The following NLK variants were observed in gnomAD, a reference collection of about 807,000 sequenced individuals.
NLK encodes the protein nemo like kinase.
Under a neutral mutation model 59.0 loss-of-function variants are expected in NLK, and 11 were observed. The ratio of observed to expected loss-of-function variants is 0.19; its 90% CI spans 0.12 to 0.31. NLK has a LOEUF of 0.31. Ranked by LOEUF, NLK falls within the 10% of genes least tolerant of loss-of-function variation. The pLI, the probability that NLK is intolerant of heterozygous loss-of-function variation, is 1.00. For missense variants in NLK, 410 were observed against 661.1 expected, an observed-to-expected ratio of 0.62 and a Z score of 4.16; for synonymous variants, 235 against 235.9, an observed-to-expected ratio of 1.00 and a Z score of 0.03.
chr17:28,178,879 G>A (rs1908786803), intron 7 of NLK, among the ~76,000 whole-genome samples: 1 of 152,276 alleles, frequency 6.6e-6, no homozygotes, highest in South Asian at 2.1e-4. Flanking sequence ...ACATGTAGTT[G>A]AATGAAAACT....
At chr17:28,150,241 T>C (rs1446833206) in intron 3 of NLK, among the ~76,000 whole-genome samples, 1 of 152,228 alleles carries the variant, frequency 6.6e-6, no homozygotes, top group Non-Finnish European at 1.5e-5. Context: ...AACATTAATA[T>C]CCTTTCTCCT....
chr17:28,161,429 G>A (rs890992267), intron 4 of NLK, among the ~76,000 whole-genome samples, 163 bp downstream of exon 4: 4 of 152,148 alleles, frequency 2.6e-5, no homozygotes, highest in African/African-American at 4.8e-5. Flanking sequence ...ATGTTAAAGA[G>A]GAAGCTTTTT....
the NLK span, among the ~76,000 whole-genome samples, chr17:28,203,058 A>T: frequency 2.0e-5 from 3 of 152,232 alleles, no homozygotes. Flanking sequence ...CAGCAGGAAG[A>T]CACAGAGAAA....
At chr17:28,190,153 T>C (rs1417014287) in intron 8 of NLK, among the ~76,000 whole-genome samples, 1 of 152,238 alleles carries the variant, frequency 6.6e-6, no homozygotes, top group Non-Finnish European at 1.5e-5. Context: ...GTTTTTGTTC[T>C]ACTGTGTACT....
intron 1 of NLK, among the ~76,000 whole-genome samples, chr17:28,106,570 A>AT (rs1436226474): frequency 6.6e-6 from 1 of 152,218 alleles, no homozygotes; most frequent in Non-Finnish European, 1.5e-5. Flanking sequence ...AATAAGATAA[A>AT]TTTTTAAGAG....
At chr17:28,171,336 T>G (rs539711091) in intron 6 of NLK, 19 of 152,276 alleles carry the variant, frequency 1.2e-4, no homozygotes, top group African/African-American at 3.8e-4. Flanking sequence ...AAAGAAGTGT[T>G]CTCTAGGTAA....
At chr17:28,200,446 C>T (rs1341858252), downstream of NLK, among the ~76,000 whole-genome samples, 3 of 152,094 alleles carry the variant, frequency 2.0e-5, no homozygotes, top group African/African-American at 7.2e-5. Context: ...AGCTGTACAC[C>T]AACGAAAGAG....
chr17:28,157,016 G>A (rs923476257), intron 3 of NLK, among the ~76,000 whole-genome samples: 1 of 151,842 alleles, frequency 6.6e-6, no homozygotes, highest in Admixed American at 6.6e-5. Flanking sequence ...GATAGTTGTG[G>A]GGGGTTTTGT....
chr17:28,059,604 C>G (rs1909559877), intron 1 of NLK, among the ~76,000 whole-genome samples: 1 of 152,136 alleles, frequency 6.6e-6, no homozygotes, highest in African/African-American at 2.4e-5. Context: ...CAATTCTAAG[C>G]TCTTTATTCT....
the NLK span, among the ~76,000 whole-genome samples, chr17:28,203,306 C>T: frequency 6.6e-6 from 1 of 151,956 alleles, no homozygotes; most frequent in Non-Finnish European, 1.5e-5. Flanking sequence ...GCCCCTGGCC[C>T]ACAGCTCTCA....
intron 1 of NLK, among the ~76,000 whole-genome samples, chr17:28,049,592 C>T (rs192867068): frequency 1.3e-5 from 2 of 152,224 alleles, no homozygotes; most frequent in East Asian, 1.9e-4. Flanking sequence ...GTCAAGTAAA[C>T]AATATGAACA....
At chr17:28,115,670 C>T (rs1204903253) in intron 1 of NLK, among the ~76,000 whole-genome samples, 1 of 151,956 alleles carries the variant, frequency 6.6e-6, no homozygotes, top group Non-Finnish European at 1.5e-5. Flanking sequence ...TTCATCTATC[C>T]CCCCCATCAA....
chr17:28,200,766 G>A (rs1830829119), downstream of NLK, among the ~76,000 whole-genome samples: 1 of 152,226 alleles, frequency 6.6e-6, no homozygotes, highest in African/African-American at 2.4e-5. Context: ...TTACAGGCAA[G>A]CCACCACGCC....
At chr17:28,049,748 C>T (rs950934001) in intron 1 of NLK, among the ~76,000 whole-genome samples, 3 of 152,058 alleles carry the variant, frequency 2.0e-5, no homozygotes, top group African/African-American at 7.2e-5. Flanking sequence ...TTTGGGAGGC[C>T]GAGGAGCGGT....
chr17:28,122,955 C>T (rs1046647650), intron 2 of NLK, among the ~76,000 whole-genome samples: 1 of 152,190 alleles, frequency 6.6e-6, no homozygotes, highest in Admixed American at 6.5e-5. Flanking sequence ...GATGCACACA[C>T]ACACACGTTT....
At chr17:28,097,294 A>G (rs766764057) in intron 1 of NLK, among the ~76,000 whole-genome samples, 18 of 152,200 alleles carry the variant, frequency 1.2e-4, no homozygotes, top group Non-Finnish European at 2.5e-4. Context: ...CCATGCTTCT[A>G]ACTGTAATTG....
At position 28,152,960 on chromosome 17, in the gene NLK, A is replaced by T. The variant is rs532795487; in HGVS notation, c.645-8200A>T. 1.2e-4 allele frequency among the ~76,000 whole-genome samples: 18 copies of T among 148,116 alleles called. No individual in the cohort carries two copies. The South Asian group carries it at 2.2e-3, about 18-fold the overall frequency. ...AGGATTTTTTTATTTTTTATTTTTTATTTTTTTTTCCTGTATAAAAGCTCA... is the reference window on the plus strand; with the variant it reads ...AGGATTTTTTTATTTTTTATTTTTTTTTTTTTTTTCCTGTATAAAAGCTCA... On this transcript the variant is annotated intron_variant, in intron 3 of 10. Coordinates refer to ENST00000407008, the MANE Select transcript of NLK (RefSeq NM_016231.5).
intron 3 of NLK, among the ~76,000 whole-genome samples, chr17:28,158,730 A>C (rs982879895): frequency 1.4e-4 from 21 of 152,262 alleles, no homozygotes; most frequent in Middle Eastern, 3.4e-3. Flanking sequence ...CCCAGGGTCA[A>C]GTAATCCTTC....
intron 1 of NLK, among the ~76,000 whole-genome samples, chr17:28,060,578 G>A (rs1472614437): frequency 6.6e-6 from 1 of 152,012 alleles, no homozygotes; most frequent in East Asian, 1.9e-4. Flanking sequence ...AGCCTAAAGA[G>A]CTCTTAAAAT....
Sources: allele counts gnomAD v4.1 joint callset (sites outside exome capture counted in the v4.1 genomes callset), GRCh38; gene constraint gnomAD v4.1.1; transcripts MANE v1.5; gene names NCBI Gene and HGNC (gene_info 2026-07-23, HGNC 2026-07-21).